Variants in ST8SIA6 observed in about 807,000 individuals in gnomAD.
ST8SIA6 encodes ST8 alpha-N-acetyl-neuraminide alpha-2,8-sialyltransferase 6.
Under a neutral mutation model 33.6 loss-of-function variants are expected in ST8SIA6, and 39 were observed. The observed-to-expected ratio is 1.16, with a 90% confidence interval of 0.90 to 1.52. ST8SIA6 has a LOEUF of 1.52. ST8SIA6 is among the 40% of genes most tolerant of loss of function. ST8SIA6 has a pLI of 0.00. For synonymous variants in ST8SIA6, 172 were observed against 167.2 expected (o/e 1.03, Z -0.22); for missense variants, 441 against 443.8 (o/e 0.99, Z 0.06).
intron 2 of ST8SIA6, among the ~76,000 whole-genome samples, chr10:17,415,238 A>G (rs932345940): frequency 3.9e-5 from 6 of 152,200 alleles, no homozygotes; most frequent in Non-Finnish European, 7.3e-5. Flanking sequence ...TGAAAGCCCA[A>G]AATATGACAC....
At position 17,321,341 on chromosome 10, in the gene ST8SIA6, C is replaced by T. The variant is rs756424019; in HGVS notation, c.734G>A (p.Gly245Glu). ...INPSIITLKYGNLKEKKALFL... is the reference protein window; with the variant it reads ...INPSIITLKYENLKEKKALFL... Reference sequence around the variant, plus strand: ...TAGGGCTTTTTTTTCCTTTAAGTTCCCATATCTGCCAAATTAAAAAAAAAT... The same window carrying T: ...TAGGGCTTTTTTTTCCTTTAAGTTCTCATATCTGCCAAATTAAAAAAAAAT... Residue 245 changes from glycine to glutamate, a missense_variant, in exon 8 of 8, where the codon GGG becomes GAG. By Grantham distance (98) the Gly-to-Glu change is moderately conservative (BLOSUM62 -2). Coordinates refer to ENST00000377602, the MANE Select transcript of ST8SIA6 (RefSeq NM_001004470.3). The T allele has an allele frequency of 3.8e-6, 6 of 1,580,926 alleles. No individual in the cohort carries two copies. The African/African-American group carries it at 8.3e-5, about 22-fold the overall frequency.
chr10:17,453,401 C>A (rs948624262), intron 2 of ST8SIA6, among the ~76,000 whole-genome samples, 158 bp downstream of exon 2: 2 of 151,892 alleles, frequency 1.3e-5, no homozygotes, highest in Non-Finnish European at 2.9e-5. Context: ...GGTGCCCCCC[C>A]CCAACCCCGC....
chr10:17,437,856 G>A (rs1852335717), intron 2 of ST8SIA6, among the ~76,000 whole-genome samples: 1 of 151,984 alleles, frequency 6.6e-6, no homozygotes, highest in Non-Finnish European at 1.5e-5. Flanking sequence ...TCAGCCTCCT[G>A]AGTAGCTGGG....
chr10:17,329,561 G>T (rs547179869), intron 5 of ST8SIA6, among the ~76,000 whole-genome samples: 2 of 152,244 alleles, frequency 1.3e-5, no homozygotes, highest in South Asian at 2.1e-4. Context: ...TCTACTAAAT[G>T]GTGCCACCAT....
intron 2 of ST8SIA6, among the ~76,000 whole-genome samples, chr10:17,395,382 C>A (rs972193553): frequency 3.9e-5 from 6 of 152,010 alleles, no homozygotes; most frequent in African/African-American, 9.7e-5. Flanking sequence ...CAGAGGGACC[C>A]ACCTAAAACT....
intron 2 of ST8SIA6, among the ~76,000 whole-genome samples, chr10:17,445,571 A>T (rs1257222563): frequency 6.6e-6 from 1 of 152,216 alleles, no homozygotes; most frequent in Non-Finnish European, 1.5e-5. Flanking sequence ...CCAACTGGAA[A>T]ATCAGGTAGC....
chr10:17,388,265 T>C (rs994139804), intron 3 of ST8SIA6, among the ~76,000 whole-genome samples: 7 of 152,150 alleles, frequency 4.6e-5, no homozygotes, highest in Admixed American at 4.6e-4. Flanking sequence ...TGGATTCCAT[T>C]AACTTTAAGC....
chr10:17,328,456 G>A (rs749257064), intron 5 of ST8SIA6, among the ~76,000 whole-genome samples: 7 of 152,212 alleles, frequency 4.6e-5, no homozygotes, highest in Middle Eastern at 6.8e-3. Context: ...TCAATGGTGC[G>A]CTTTCCTTCC....
chr10:17,426,909 C>T (rs1233091728), intron 2 of ST8SIA6, among the ~76,000 whole-genome samples: 1 of 152,154 alleles, frequency 6.6e-6, no homozygotes, highest in East Asian at 1.9e-4. Context: ...CAAGACTAGC[C>T]TGGCCAACAT....
At chr10:17,423,055 C>A (rs1747821616) in intron 2 of ST8SIA6, among the ~76,000 whole-genome samples, 1 of 152,174 alleles carries the variant, frequency 6.6e-6, no homozygotes, top group South Asian at 2.1e-4. Flanking sequence ...TACTGCCATT[C>A]ATTTGGCTGC....
Position 17,409,073 on chromosome 10 carries a change from G to A in ST8SIA6, c.201-18453C>T, listed in dbSNP as rs537914755. Among the ~76,000 whole-genome samples the A allele has an allele frequency of 1.8e-4, 27 of 152,032 alleles. 1 individual carries two copies. Among genetic ancestry groups the A allele is most frequent in the Non-Finnish European group, 3.5e-4 (24 of 68,028 alleles). Reference sequence around the variant, plus strand: ...GTTGGGATTACAGGCGTGAGCCACAGCATCCAGCTGAAATAAGAATTTTAA... The same window carrying A: ...GTTGGGATTACAGGCGTGAGCCACAACATCCAGCTGAAATAAGAATTTTAA... On this transcript the variant is annotated intron_variant, in intron 2 of 7. Transcript: ENST00000377602.
rs1852194601 is a variant in ST8SIA6, at chr10:17,434,577, ATTCTT to A, written c.200+18977_200+18981del. 3.3e-5 allele frequency among the ~76,000 whole-genome samples: 5 copies of A among 152,306 alleles called. No homozygotes were observed. In the South Asian group the frequency reaches 1.0e-3, roughly 32 times the overall value. ...GGATAGAATCTTTGGATATAAATTC[ATTCTT>A]TTCTTAGGGGACTTGCTCTTAATGA... On this transcript the variant is annotated intron_variant, in intron 2 of 7. Coordinates refer to ENST00000377602, the MANE Select transcript of ST8SIA6 (RefSeq NM_001004470.3).
In ST8SIA6 at chr10:17,433,345, G is replaced by C. The variant is rs945684235; in HGVS notation, c.200+20214C>G. ...CTGTGGTCCAAAAAAATAATCACAG[G>C]GCATCACTAATTTATTTGCCAGATT... On this transcript the variant is annotated intron_variant, in intron 2 of 7. Transcript: ENST00000377602. 5.3e-5 allele frequency among the ~76,000 whole-genome samples: 8 copies of C among 152,078 alleles called. No homozygotes were observed. The East Asian group carries it at 1.3e-3, about 26-fold the overall frequency.
At chr10:17,361,510 C>T (rs1369309913) in intron 3 of ST8SIA6, among the ~76,000 whole-genome samples, 4 of 108,284 alleles carry the variant, frequency 3.7e-5, no homozygotes, top group Non-Finnish European at 5.2e-5. Flanking sequence ...TAAAATTCTT[C>T]CTACAAAACA....
At position 17,359,490 on chromosome 10, in the gene ST8SIA6, CAT is replaced by C. The variant is rs1849311957; in HGVS notation, c.377+22_377+23del. ...AATGAACAAGACATTTTTAAAATCT[CAT>C]ATTATTTATGAAAAAAATTACCTAA... On this transcript the variant is annotated intron_variant, in intron 4 of 7. Transcript: ENST00000377602. The C allele has an allele frequency of 6.6e-6, 10 of 1,518,206 alleles. No individual in the cohort carries two copies. The East Asian group carries it at 2.3e-4, about 35-fold the overall frequency. The allele number at this position is 1,518,206 out of a possible 1,614,324, so 94.0% of individuals were successfully genotyped here. A position where few individuals can be genotyped will look rare whatever the true frequency, so the allele number is the denominator to read the frequency against.
intron 2 of ST8SIA6, among the ~76,000 whole-genome samples, chr10:17,397,477 C>T (rs1223846531): frequency 6.6e-6 from 1 of 152,024 alleles, no homozygotes; most frequent in Non-Finnish European, 1.5e-5. Context: ...TCAGGTGATC[C>T]GCCCGCCTCG....
chr10:17,411,345 G>A (rs1036150888), intron 2 of ST8SIA6, among the ~76,000 whole-genome samples: 3 of 151,914 alleles, frequency 2.0e-5, no homozygotes, highest in South Asian at 2.1e-4. Flanking sequence ...CACCACACCC[G>A]GCTAATTTTG....
chr10:17,437,745 T>A (rs1852331610), intron 2 of ST8SIA6, among the ~76,000 whole-genome samples: 1 of 150,480 alleles, frequency 6.6e-6, no homozygotes, highest in African/African-American at 2.4e-5. Flanking sequence ...TTTCTCTCTT[T>A]CTCTCTTCCT....
chr10:17,415,041 C>A (rs1476983042), intron 2 of ST8SIA6, among the ~76,000 whole-genome samples: 1 of 152,118 alleles, frequency 6.6e-6, no homozygotes, highest in African/African-American at 2.4e-5. Context: ...ATCCTTCTCA[C>A]AAGCACACAA....
Sources: gnomAD v4.1 joint callset for allele counts (sites outside exome capture counted in the v4.1 genomes callset) on GRCh38, gnomAD v4.1.1 for gene constraint, MANE v1.5 for transcripts, NCBI Gene and HGNC (gene_info 2026-07-23, HGNC 2026-07-21) for gene names.